ATG4B: variants seen among roughly 807,000 people sequenced by gnomAD.
The protein encoded by ATG4B is cysteine protease ATG4B.
A neutral mutation model predicts 56.6 loss-of-function variants in ATG4B; 29 were observed. The ratio of observed to expected loss-of-function variants is 0.51; its 90% CI spans 0.38 to 0.70. ATG4B has a LOEUF of 0.70. Among genes scored for constraint, ATG4B ranks in the 30% least tolerant of loss-of-function variants. The probability of loss-of-function intolerance (pLI) is 0.00; values close to 1 mark genes in which losing one functional copy is unlikely to be tolerated. For synonymous variants in ATG4B, 224 were observed against 206.1 expected, an observed-to-expected ratio of 1.09 and a Z score of -0.74; for missense variants, 461 against 515.5, an observed-to-expected ratio of 0.89 and a Z score of 1.02.
chr2:241,637,762 T>A (rs1376260203), intron 1 of ATG4B, 38 bp downstream of exon 1: 3 of 1,559,124 alleles, frequency 1.9e-6, no homozygotes, highest in Non-Finnish European at 2.6e-6. Context: ...CCGCAGGAGG[T>A]GCTCGCCTTA....
In ATG4B at chr2:241,673,724, G is replaced by T; in HGVS notation, c.*1460G>T. 2.2e-6 allele frequency: 1 copy of T among 455,470 alleles called. No homozygotes were observed. The highest frequency in any genetic ancestry group is 1.6e-5 in the South Asian group (1 of 64,510). The allele number at this position is 455,470 out of a possible 1,614,324, so 28.2% of individuals were successfully genotyped here. Reference sequence around the variant, plus strand: ...GTGCTGGGAGCTGCAGTGGTAATGTGTGGGACACCTTGACCAAAGGGGAGC... The same window carrying T: ...GTGCTGGGAGCTGCAGTGGTAATGTTTGGGACACCTTGACCAAAGGGGAGC... On this transcript the variant is annotated 3_prime_UTR_variant, in exon 13 of 13. Transcript: ENST00000404914.
chr2:241,669,946 C>T lies in ATG4B; in HGVS notation c.958-780C>T, dbSNP rs577364905. ...CAGGTCAGGCTAGAGAGCCAGCCACCGCAGACAGAGGAGTGGACGCGTGAA... is the reference window on the plus strand; with the variant it reads ...CAGGTCAGGCTAGAGAGCCAGCCACTGCAGACAGAGGAGTGGACGCGTGAA... On this transcript the variant is annotated intron_variant, in intron 10 of 12. Coordinates refer to ENST00000404914, the MANE Select transcript of ATG4B (RefSeq NM_013325.5). 1.6e-4 allele frequency among the ~76,000 whole-genome samples: 24 copies of T among 152,300 alleles called. No individual in the cohort carries two copies. The East Asian group carries it at 3.9e-3, about 25-fold the overall frequency.
intron 1 of ATG4B, among the ~76,000 whole-genome samples, chr2:241,643,604 A>T (rs2067968775): frequency 1.4e-5 from 2 of 147,968 alleles, no homozygotes; most frequent in African/African-American, 5.1e-5. Context: ...ATATATAAAC[A>T]TATATATACG....
chr2:241,667,462 G>A lies in ATG4B; in HGVS notation c.732+624G>A, dbSNP rs1464838714. Among the ~76,000 whole-genome samples, 5 of 151,796 alleles carry A rather than the reference G, an allele frequency of 3.3e-5. No homozygotes were observed. The South Asian group carries it at 1.0e-3, about 32-fold the overall frequency. On this transcript the variant is annotated intron_variant, in intron 8 of 12. Coordinates refer to ENST00000404914, the MANE Select transcript of ATG4B (RefSeq NM_013325.5). The stretch of plus-strand genomic sequence containing the variant: ...CTACTAAAAATATAAAAATTAGCCG[G>A]GCATGGTGGTGCGCGCCTGTAGTCC...
Position 241,654,465 on chromosome 2 carries a change from C to CCAT in ATG4B, c.284-79_284-77dup. 3.5e-6 allele frequency: 3 copies of CCAT among 849,604 alleles called. No individual in the cohort carries two copies. In the Admixed American group the frequency reaches 8.4e-5, roughly 24 times the overall value. The allele number at this position is 849,604 out of a possible 1,614,324, so 52.6% of individuals were successfully genotyped here. A position where few individuals can be genotyped will look rare whatever the true frequency, so the allele number is the denominator to read the frequency against. ...AAAGATTCTGAAAAAGGTTTGGATG[C>CCAT]CATCTGTATCTTTAGTGTGAAAGTG... On this transcript the variant is annotated intron_variant, in intron 4 of 12. Coordinates refer to ENST00000404914, the MANE Select transcript of ATG4B (RefSeq NM_013325.5).
chr2:241,670,852 GTCGAAGGCCTGCGTCCAGGTC>G, intron 11 of ATG4B, 70 bp downstream of exon 11: 2 of 1,475,836 alleles, frequency 1.4e-6, no homozygotes, highest in Non-Finnish European at 1.9e-6. Context: ...GCGTGCAGGG[GTCGAAGGCCTGCGTCCAGGTC>G]TCAGGCAGCC....
intron 4 of ATG4B, 81 bp from the exon 5 acceptor site, chr2:241,654,465 C>T: frequency 2.4e-6 from 2 of 849,598 alleles, no homozygotes; most frequent in Non-Finnish European, 1.9e-6. Context: ...GGTTTGGATG[C>T]CATCTGTATC....
chr2:241,648,167 A>G (rs1294655064), intron 1 of ATG4B, among the ~76,000 whole-genome samples: 1 of 152,234 alleles, frequency 6.6e-6, no homozygotes, highest in East Asian at 1.9e-4. Context: ...AGTTTTTGTA[A>G]TCATGTGCAG....
At chr2:241,644,947 C>CAA (rs35177697) in intron 1 of ATG4B, among the ~76,000 whole-genome samples, 38 of 137,390 alleles carry the variant, frequency 2.8e-4, no homozygotes, top group African/African-American at 5.6e-4. Context: ...AACTCCATCT[C>CAA]AAAAAAAAAA....
At chr2:241,657,280 T>G (rs1238372896) in intron 6 of ATG4B, among the ~76,000 whole-genome samples, 1 of 127,552 alleles carries the variant, frequency 7.8e-6, no homozygotes, top group Non-Finnish European at 1.7e-5. Context: ...TGGCCAGGAC[T>G]CCTCTCTTTC....
intron 1 of ATG4B, among the ~76,000 whole-genome samples, chr2:241,648,606 A>AG (rs1220697424): frequency 1.3e-5 from 2 of 148,526 alleles, no homozygotes. Flanking sequence ...AAAAAAAAAA[A>AG]GAAAAAAAAA....
rs1431440881 is a variant in ATG4B at position 241,668,314 on chromosome 2, C to T, written c.811+93C>T. 6.9e-6 allele frequency: 10 copies of T among 1,451,262 alleles called. No individual in the cohort carries two copies. The highest frequency in any genetic ancestry group is 9.5e-6 in the Non-Finnish European group (10 of 1,057,960). 89.9% of individuals were successfully genotyped at this position (1,451,262 alleles called of 1,614,324 possible). A position where few individuals can be genotyped will look rare whatever the true frequency, so the allele number is the denominator to read the frequency against. On this transcript the variant is annotated intron_variant, in intron 9 of 12. Transcript: ENST00000404914. The surrounding 1 kb of genome is among the most constrained non-coding windows in gnomAD (Gnocchi z 4.2). ...CCACACCCCAGGTGACCACTTGAGG[C>T]CACTGGTGGAAAAGCAGCATGCCCT...
chr2:241,664,427 A>G (rs538647038), intron 7 of ATG4B, among the ~76,000 whole-genome samples: 2 of 152,194 alleles, frequency 1.3e-5, no homozygotes, highest in East Asian at 3.9e-4. Context: ...AGTCCCACCT[A>G]CTCGGGAGTC....
At position 241,651,141 on chromosome 2, in the gene ATG4B, C is replaced by A. The variant is rs1346703877; in HGVS notation, c.112+30C>A. 1.3e-6 allele frequency: 2 copies of A among 1,593,678 alleles called. No homozygotes were observed. Among genetic ancestry groups the A allele is most frequent in the African/African-American group, 2.7e-5 (2 of 74,558 alleles). On this transcript the variant is annotated intron_variant, in intron 2 of 12. Transcript: ENST00000404914. The surrounding 1 kb of genome is among the most constrained non-coding windows in gnomAD (Gnocchi z 4.1). ...CGGCCATGCTGGAGCCCACCCTGGTCTGACCGCTTGGCCTGCAGAAGCATT... is the reference window on the plus strand; with the variant it reads ...CGGCCATGCTGGAGCCCACCCTGGTATGACCGCTTGGCCTGCAGAAGCATT...
chr2:241,651,070 A>T lies in ATG4B; in HGVS notation c.71A>T (p.Glu24Val). 6.2e-7 allele frequency: 1 copy of T among 1,613,940 alleles called. No homozygotes were observed. The highest frequency in any genetic ancestry group is 8.5e-7 in the Non-Finnish European group (1 of 1,179,866). Residue 24 changes from glutamate (E) to valine (V), a missense_variant, in exon 2 of 13, where the codon GAG (glutamate) becomes GTG (valine). By Grantham distance (121) the Glu-to-Val change is moderately radical. Coordinates refer to ENST00000404914, the MANE Select transcript of ATG4B (RefSeq NM_013325.5). The surrounding 1 kb of genome is among the most constrained non-coding windows in gnomAD (Gnocchi z 4.1). ...TTTGAAGATTTTCCTGAGACCTCAG[A>T]GCCCGTTTGGATACTGGGTAGAAAA... ...AEFEDFPETS[E>V]PVWILGRKYS...
chr2:241,638,132 C>G (rs1446119858), intron 1 of ATG4B: 2 of 158,732 alleles, frequency 1.3e-5, no homozygotes, highest in Non-Finnish European at 2.8e-5. Context: ...AAAGCGTAGC[C>G]TTTCCGCAGC....
At chr2:241,645,304 C>A (rs2068030658) in intron 1 of ATG4B, among the ~76,000 whole-genome samples, 1 of 152,178 alleles carries the variant, frequency 6.6e-6, no homozygotes, top group Non-Finnish European at 1.5e-5. Context: ...GGAGCCAGCC[C>A]GTGAGGCCGG....
At position 241,668,619 on chromosome 2, in the gene ATG4B, G is replaced by A; in HGVS notation, c.891G>A (p.Glu297=). The A allele has an allele frequency of 6.3e-7, 1 of 1,589,708 alleles. No individual in the cohort carries two copies. Among genetic ancestry groups the A allele is most frequent in the Non-Finnish European group, 8.6e-7 (1 of 1,168,618 alleles). ...EPTDGCFIPD[E]SFHCQHPPCR... is the part of the protein sequence containing the mutation. ...CTGATGGCTGCTTCATCCCGGACGAGAGCTTCCACTGCCAGCACCCGCCGT... is the reference window on the plus strand; with the variant it reads ...CTGATGGCTGCTTCATCCCGGACGAAAGCTTCCACTGCCAGCACCCGCCGT... The change falls in exon 10 of 13, where the codon GAG becomes GAA. Residue 297 remains glutamate (E), a synonymous_variant. Transcript: ENST00000404914. This position sits in a 1 kb window ranked among gnomAD's most constrained non-coding sequence, Gnocchi z 4.2.
At chr2:241,653,261 C>G (rs1437082652) in intron 3 of ATG4B, 1 of 1,384,086 alleles carries the variant, frequency 7.2e-7, no homozygotes, top group Admixed American at 2.0e-5. Flanking sequence ...TCAGACATTC[C>G]TTTTGCTCCG....
Sources: gnomAD v4.1 joint callset for allele counts (sites outside exome capture counted in the v4.1 genomes callset) on GRCh38, gnomAD v4.1.1 for gene constraint, Gnocchi (gnomAD v3.1) non-coding constraint, MANE v1.5 for transcripts, NCBI Gene and HGNC (gene_info 2026-07-23, HGNC 2026-07-21) for gene names.